CHEK2: variants seen among roughly 807,000 people sequenced by gnomAD.
CHEK2 encodes serine/threonine-protein kinase Chk2.
In CHEK2, 71 loss-of-function variants were observed where a neutral mutation model predicts 69.1. That is an observed-to-expected ratio of 1.03 (90% CI 0.85 to 1.25). The LOEUF (loss-of-function observed/expected upper bound fraction) is 1.25. Among genes scored for constraint, CHEK2 ranks in the 50% most tolerant of loss-of-function variants. The probability of loss-of-function intolerance (pLI) is 0.00; values close to 1 mark genes in which losing one functional copy is unlikely to be tolerated. For synonymous variants in CHEK2, 189 were observed against 226.9 expected, an observed-to-expected ratio of 0.83 and a Z score of 1.50; for missense variants, 664 against 649.6, an observed-to-expected ratio of 1.02 and a Z score of -0.24.
intron 9 of CHEK2, 109 bp downstream of exon 9, chr22:28,699,729 C>T (rs1255107993): frequency 1.2e-6 from 1 of 848,498 alleles, no homozygotes. Context: ...AGCAAACACA[C>T]AGATTCTCTT....
chr22:28,703,450 G>T, intron 8 of CHEK2, 55 bp downstream of exon 8: 1 of 937,720 alleles, frequency 1.1e-6, no homozygotes, highest in Non-Finnish European at 1.7e-6. Flanking sequence ...ATTCTTTGGT[G>T]GCTTTATAAA....
At chr22:28,700,385 TA>T (rs1039673538) in intron 8 of CHEK2, among the ~76,000 whole-genome samples, 1 of 151,986 alleles carries the variant, frequency 6.6e-6, no homozygotes, top group Non-Finnish European at 1.5e-5. Flanking sequence ...CTAATTGTTG[TA>T]TTTTTTTTAG....
chr22:28,724,140 G>C (rs1184939699), intron 4 of CHEK2, among the ~76,000 whole-genome samples: 2 of 152,088 alleles, frequency 1.3e-5, no homozygotes, highest in Admixed American at 6.5e-5. Flanking sequence ...CCAGGCGGGG[G>C]CTCACGCCTG....
At chr22:28,702,135 C>CTGTGTGTGTGTGTGTGTGTGTG (rs141703411) in intron 8 of CHEK2, among the ~76,000 whole-genome samples, 5 of 140,408 alleles carry the variant, frequency 3.6e-5, no homozygotes, top group African/African-American at 5.3e-5. Context: ...GTGTGTGTGT[C>CTGTGTGTGTGTGTGTGTGTGTG]TGTGTGTGTG....
chr22:28,700,153 C>T (rs2052781917), intron 8 of CHEK2, among the ~76,000 whole-genome samples: 2 of 151,552 alleles, frequency 1.3e-5, no homozygotes, highest in Admixed American at 6.6e-5. Flanking sequence ...GCATTGGAGG[C>T]ACCTGGGGAA....
chr22:28,725,212 T>C, intron 3 of CHEK2, 31 bp downstream of exon 3: 1 of 1,613,988 alleles, frequency 6.2e-7, no homozygotes, highest in African/African-American at 1.3e-5. Flanking sequence ...AATTACCAGC[T>C]CTCCTAGATA....
rs1052876804 is a variant in CHEK2 at position 28,727,322 on chromosome 22, T to C, written c.320-1955A>G. On this transcript the variant is annotated intron_variant, in intron 2 of 14. Transcript: ENST00000404276. ...TCCCAAAGTGCTGGGATAACAGGCA[T>C]GCGCCACCACACCCGGCCTCCCGCT... is the stretch of plus-strand genomic sequence containing the variant. Among the ~76,000 whole-genome samples the C allele has an allele frequency of 5.3e-5, 8 of 152,334 alleles. 1 individual carries two copies. In the South Asian group the frequency reaches 1.7e-3, roughly 32 times the overall value.
intron 8 of CHEK2, among the ~76,000 whole-genome samples, chr22:28,703,278 C>T (rs543074057): frequency 6.6e-6 from 1 of 152,270 alleles, no homozygotes; most frequent in African/African-American, 2.4e-5. Context: ...AGTTCAAGTC[C>T]TGATCATAGA....
rs558321010 is a variant in CHEK2 at position 28,734,588 on chromosome 22, G to A, written c.134C>T (p.Thr45Met). Residue 45 changes from threonine to methionine, a missense_variant, in exon 2 of 15, where the codon ACG becomes ATG. Transcript: ENST00000404276. ...AGAGGACTGGCTGGAGTTTGGCATCGTGCTGGTAGAGGAGCTGGATATGCC... is the reference window on the plus strand; with the variant it reads ...AGAGGACTGGCTGGAGTTTGGCATCATGCTGGTAGAGGAGCTGGATATGCC... Reference protein sequence around the residue: ...SQGISSSSTSTMPNSSQSSHS... With the variant: ...SQGISSSSTSMMPNSSQSSHS... 27 of 1,613,930 alleles carry A rather than the reference G, an allele frequency of 1.7e-5. No individual in the cohort carries two copies. Among genetic ancestry groups the A allele is most frequent in the African/African-American group, 9.3e-5 (7 of 74,946 alleles).
chr22:28,694,243 G>A (rs2052478326), intron 12 of CHEK2, 126 bp from the exon 13 acceptor site: 2 of 725,918 alleles, frequency 2.8e-6, no homozygotes, highest in South Asian at 2.8e-5. Flanking sequence ...GGAGTCAGCA[G>A]ACAGGGCCCC....
chr22:28,697,161 G>A (rs568693812), intron 9 of CHEK2, among the ~76,000 whole-genome samples, 174 bp from the exon 10 acceptor site: 12 of 152,100 alleles, frequency 7.9e-5, no homozygotes, highest in Non-Finnish European at 1.2e-4. Context: ...ATTTGTTTGA[G>A]AAGATCTTTA....
At chr22:28,719,550 A>G (rs1205437943) in intron 4 of CHEK2, 65 bp from the exon 5 acceptor site, 1 of 908,768 alleles carries the variant, frequency 1.1e-6, no homozygotes, top group East Asian at 2.6e-5. Flanking sequence ...CACTGATTCT[A>G]AAATTTATTC....
intron 1 of CHEK2, among the ~76,000 whole-genome samples, chr22:28,735,270 G>A (rs999299863): frequency 7.2e-5 from 11 of 151,990 alleles, no homozygotes; most frequent in Non-Finnish European, 1.5e-4. Flanking sequence ...GCCAGGCGTG[G>A]TGGCGGGCAC....
At chr22:28,733,206 G>C (rs1434929773) in intron 2 of CHEK2, among the ~76,000 whole-genome samples, 2 of 152,186 alleles carry the variant, frequency 1.3e-5, no homozygotes, top group African/African-American at 4.8e-5. Context: ...GCTATTTTGA[G>C]ACAAAAACAA....
chr22:28,732,298 A>T (rs2054242994), intron 2 of CHEK2, among the ~76,000 whole-genome samples: 1 of 151,990 alleles, frequency 6.6e-6, no homozygotes. Context: ...TTTAGTAGAG[A>T]CAGGGTTTCT....
intron 12 of CHEK2, among the ~76,000 whole-genome samples, chr22:28,694,405 G>A (rs1247165217): frequency 1.3e-5 from 2 of 152,146 alleles, no homozygotes; most frequent in African/African-American, 2.4e-5. Context: ...ACTAATTAAA[G>A]CTAAACTTCT....
chr22:28,731,860 C>G (rs552119768), intron 2 of CHEK2, among the ~76,000 whole-genome samples: 1 of 151,998 alleles, frequency 6.6e-6, no homozygotes, highest in South Asian at 2.1e-4. Flanking sequence ...GGTGATGTAT[C>G]CCATTTAGCC....
In CHEK2 at chr22:28,703,567, C is replaced by T. The variant is rs878854926; in HGVS notation, c.847-1G>A. Reference sequence around the variant, plus strand: ...AGTTTTTAATCTTGATGATGCAAGGCTAAGAAGAGGGGGAGAAAAAAGGGA... The same window carrying T: ...AGTTTTTAATCTTGATGATGCAAGGTTAAGAAGAGGGGGAGAAAAAAGGGA... On this transcript the variant is annotated splice_acceptor_variant, in intron 7 of 14. Transcript: ENST00000404276. LOFTEE classifies it high-confidence loss of function. 6.4e-7 allele frequency: 1 copy of T among 1,555,852 alleles called. No individual in the cohort carries two copies. The highest frequency in any genetic ancestry group is 8.8e-7 in the Non-Finnish European group (1 of 1,133,308).
At chr22:28,728,828 A>G (rs1180467339) in intron 2 of CHEK2, among the ~76,000 whole-genome samples, 2 of 152,070 alleles carry the variant, frequency 1.3e-5, no homozygotes, top group Non-Finnish European at 1.5e-5. Context: ...CTATCAAAAT[A>G]AAAAAATTAG....
Sources: gnomAD v4.1 joint callset for allele counts (sites outside exome capture counted in the v4.1 genomes callset) on GRCh38, gnomAD v4.1.1 for gene constraint, MANE v1.5 for transcripts, NCBI Gene and HGNC (gene_info 2026-07-23, HGNC 2026-07-21) for gene names.